Variants in COL14A1 observed in about 807,000 individuals in gnomAD.
The protein encoded by COL14A1 is collagen type XIV alpha 1 chain, also known as collagen alpha-1(XIV) chain.
A neutral mutation model predicts 230.3 loss-of-function variants in COL14A1; 136 were observed. The observed-to-expected ratio is 0.59, with a 90% CI of 0.51 to 0.68. The LOEUF is 0.68. Among genes scored for constraint, COL14A1 ranks in the 30% least tolerant of loss-of-function variants. The pLI is 0.00. For missense variants in COL14A1, 1,976 were observed against 2,215.8 expected, an observed-to-expected ratio of 0.89 and a Z score of 2.17; for synonymous variants, 792 against 784.1, an observed-to-expected ratio of 1.01 and a Z score of -0.17.
intron 35 of COL14A1, among the ~76,000 whole-genome samples, chr8:120,300,323 A>G (rs1820671968): frequency 6.6e-6 from 1 of 152,158 alleles, no homozygotes; most frequent in Non-Finnish European, 1.5e-5. Flanking sequence ...AGTTGTTTTG[A>G]TTGAGTACTC....
intron 21 of COL14A1, 112 bp from the exon 22 acceptor site, chr8:120,250,505 C>T: frequency 1.8e-6 from 2 of 1,128,532 alleles, no homozygotes; most frequent in South Asian, 1.3e-5. Context: ...TGTCTGCTTG[C>T]TGTATAATCC....
intron 19 of COL14A1, among the ~76,000 whole-genome samples, chr8:120,233,123 T>C (rs1384057338): frequency 6.6e-6 from 1 of 152,236 alleles, no homozygotes; most frequent in Non-Finnish European, 1.5e-5. Flanking sequence ...TGTTTGTTTT[T>C]TTCTTGTAAA....
At chr8:120,134,315 A>G (rs1188449565) in intron 1 of COL14A1, among the ~76,000 whole-genome samples, 2 of 152,134 alleles carry the variant, frequency 1.3e-5, no homozygotes, top group African/African-American at 2.4e-5. Context: ...TAATAGTCAC[A>G]CATAAATAGA....
At chr8:120,272,464 A>G (rs144380421) in intron 26 of COL14A1, among the ~76,000 whole-genome samples, 56 of 151,774 alleles carry the variant, frequency 3.7e-4, no homozygotes, top group African/African-American at 1.3e-3. Flanking sequence ...TTGAATGTAA[A>G]TAGCCTAAGT....
intron 46 of COL14A1, among the ~76,000 whole-genome samples, chr8:120,367,808 G>A (rs1823454897): frequency 6.6e-6 from 1 of 151,932 alleles, no homozygotes; most frequent in Non-Finnish European, 1.5e-5. Context: ...AACCAGGCGT[G>A]GTGGCATGTG....
intron 9 of COL14A1, among the ~76,000 whole-genome samples, chr8:120,206,005 C>T (rs1431802903): frequency 6.6e-6 from 1 of 152,140 alleles, no homozygotes; most frequent in African/African-American, 2.4e-5. Flanking sequence ...CAAATGCTTA[C>T]CTAGTATCGA....
intron 21 of COL14A1, among the ~76,000 whole-genome samples, chr8:120,248,913 CTTTCTTTTTTT>C (rs1275755142): frequency 2.8e-5 from 3 of 106,418 alleles, no homozygotes; most frequent in African/African-American, 1.4e-4. Context: ...TAGTTTCAAT[CTTTCTTTTTTT>C]TTTTTTTTTT....
chr8:120,168,584 C>T (rs1237534103), intron 5 of COL14A1, among the ~76,000 whole-genome samples: 1 of 152,182 alleles, frequency 6.6e-6, no homozygotes, highest in African/African-American at 2.4e-5. Flanking sequence ...CTCCCACTTG[C>T]CTGCCTAAAT....
Position 120,270,307 on chromosome 8 carries a change from CAGGTA to C in COL14A1, c.3213+134_3213+138del, listed in dbSNP as rs1819621909. 17 of 929,416 alleles carry C rather than the reference CAGGTA, an allele frequency of 1.8e-5. 1 individual carries two copies. The highest frequency in any genetic ancestry group is 2.4e-5 in the Non-Finnish European group (16 of 656,562). The allele number at this position is 929,416 out of a possible 1,614,324, so 57.6% of individuals were successfully genotyped here. ...GTTCAACCTTAAATGAAAGGATAGA[CAGGTA>C]TGTGTTTGGAAGCAGCTTGTTGATG... On this transcript the variant is annotated intron_variant, in intron 26 of 47. Coordinates refer to ENST00000297848, the MANE Select transcript of COL14A1 (RefSeq NM_021110.4).
At chr8:120,264,208 A>G (rs1330745657) in intron 24 of COL14A1, among the ~76,000 whole-genome samples, 1 of 151,984 alleles carries the variant, frequency 6.6e-6, no homozygotes, top group Non-Finnish European at 1.5e-5. Flanking sequence ...GTGGAAATAT[A>G]TCATATGTAG....
At chr8:120,138,573 C>T (rs1181263417) in intron 1 of COL14A1, among the ~76,000 whole-genome samples, 2 of 152,182 alleles carry the variant, frequency 1.3e-5, no homozygotes, top group Non-Finnish European at 2.9e-5. Flanking sequence ...AACCACCAAA[C>T]TAATAGGAAC....
intron 45 of COL14A1, among the ~76,000 whole-genome samples, chr8:120,349,967 T>C (rs1160974989): frequency 7.2e-6 from 1 of 138,656 alleles, no homozygotes; most frequent in Non-Finnish European, 1.5e-5. Context: ...AAGGAAAAAA[T>C]GTTAAGGGCA....
At chr8:120,124,700 G>C (rs888717633), upstream of COL14A1, among the ~76,000 whole-genome samples, 1 of 152,186 alleles carries the variant, frequency 6.6e-6, no homozygotes, top group Admixed American at 6.5e-5. Context: ...TCGGAGCTCA[G>C]GGTCTTTGAC....
rs768463154 is a variant in COL14A1, at chr8:120,371,302, T to C, written c.*71T>C. On this transcript the variant is annotated 3_prime_UTR_variant, in exon 48 of 48. Transcript: ENST00000297848. ...AATCTTGTTTGAGAAAATGTTGTTATGTGGTTTGTATGCTACTTTTGGGGG... is the reference window on the plus strand; with the variant it reads ...AATCTTGTTTGAGAAAATGTTGTTACGTGGTTTGTATGCTACTTTTGGGGG... 127 of 1,323,990 alleles carry C rather than the reference T, an allele frequency of 9.6e-5. No individual in the cohort carries two copies. Among genetic ancestry groups the C allele is most frequent in the Non-Finnish European group, 1.2e-4 (115 of 935,184 alleles). The allele number at this position is 1,323,990 out of a possible 1,614,324, so 82.0% of individuals were successfully genotyped here.
chr8:120,370,188 TTACTA>T (rs1352664812), intron 47 of COL14A1: 3 of 742,276 alleles, frequency 4.0e-6, no homozygotes, highest in Non-Finnish European at 4.5e-6. Flanking sequence ...GGCCATGAAC[TTACTA>T]GTTAATGGGT....
At chr8:120,341,259 TGCATGATTATCACTCTTA>T in intron 42 of COL14A1, 48 bp from the exon 43 acceptor site, 2 of 1,469,956 alleles carry the variant, frequency 1.4e-6, no homozygotes, top group Non-Finnish European at 9.5e-7. Context: ...TAAGAAAAGA[TGCATGATTATCACTCTTA>T]GCTAAGTGCA....
chr8:120,345,062 G>C (rs1189541280), intron 44 of COL14A1, among the ~76,000 whole-genome samples: 1 of 152,102 alleles, frequency 6.6e-6, no homozygotes, highest in African/African-American at 2.4e-5. Flanking sequence ...TGAGGGTCTA[G>C]GGGTCAGATA....
At chr8:120,354,612 CA>C (rs1303172655) in intron 45 of COL14A1, among the ~76,000 whole-genome samples, 1 of 152,160 alleles carries the variant, frequency 6.6e-6, no homozygotes. Flanking sequence ...TCTCTCTCTT[CA>C]GTAACCCTTT....
chr8:120,161,117 GA>G (rs763188445), intron 3 of COL14A1, among the ~76,000 whole-genome samples: 30 of 152,258 alleles, frequency 2.0e-4, no homozygotes, highest in Non-Finnish European at 4.1e-4. Flanking sequence ...CGCACATAAG[GA>G]AATGGGTTTT....
Sources: allele counts gnomAD v4.1 joint callset (sites outside exome capture counted in the v4.1 genomes callset), GRCh38; gene constraint gnomAD v4.1.1; transcripts MANE v1.5; gene names NCBI Gene and HGNC (gene_info 2026-07-23, HGNC 2026-07-21).